NRXN1: variants seen among roughly 807,000 people sequenced by gnomAD.
NRXN1 encodes neurexin 1, also known as neurexin-1.
A neutral mutation model predicts 150.9 loss-of-function variants in NRXN1; 39 were observed. The observed-to-expected ratio is 0.26, with a 90% CI of 0.20 to 0.34. The LOEUF (loss-of-function observed/expected upper bound fraction) is 0.34, where lower values mean the gene tolerates loss of function less well. Among genes scored for constraint, NRXN1 ranks in the 10% least tolerant of loss-of-function variants. NRXN1 has a pLI of 1.00. For synonymous variants in NRXN1, 924 were observed against 757.0 expected (o/e 1.22, Z -3.62); for missense variants, 1,815 against 1,949.9 (o/e 0.93, Z 1.30).
intron 18 of NRXN1, among the ~76,000 whole-genome samples, chr2:50,155,253 T>C (rs946443742): frequency 6.6e-6 from 1 of 151,564 alleles, no homozygotes. Flanking sequence ...TGTTAGTAAG[T>C]GAAGTATTCA....
At chr2:50,542,195 C>T (rs1000711133) in intron 9 of NRXN1, among the ~76,000 whole-genome samples, 13 of 152,198 alleles carry the variant, frequency 8.5e-5, no homozygotes, top group East Asian at 3.9e-4. Context: ...GCAGGAGAAT[C>T]GCTTGAACCT....
chr2:49,950,694 A>G (rs1453769630), intron 21 of NRXN1, among the ~76,000 whole-genome samples: 1 of 151,970 alleles, frequency 6.6e-6, no homozygotes, highest in Non-Finnish European at 1.5e-5. Flanking sequence ...TTCATTTACA[A>G]TTCACCAATA....
intron 5 of NRXN1, among the ~76,000 whole-genome samples, chr2:50,711,600 T>C (rs1022836660): frequency 8.6e-5 from 13 of 152,018 alleles, no homozygotes; most frequent in Admixed American, 3.9e-4. Context: ...CCTCCCAAAG[T>C]GCTGGGATTA....
At chr2:50,976,839 G>C (rs1259402482) in intron 2 of NRXN1, among the ~76,000 whole-genome samples, 1 of 151,978 alleles carries the variant, frequency 6.6e-6, no homozygotes, top group African/African-American at 2.4e-5. Flanking sequence ...TCAGCAAGTA[G>C]ACTTTGTTAT....
chr2:50,152,577 C>T (rs898776712), intron 18 of NRXN1, among the ~76,000 whole-genome samples: 1 of 151,720 alleles, frequency 6.6e-6, no homozygotes, highest in Non-Finnish European at 1.5e-5. Flanking sequence ...AACAGTTTTG[C>T]CAGATATAGG....
chr2:50,755,536 G>C (rs1016098406), intron 5 of NRXN1, among the ~76,000 whole-genome samples: 2 of 151,712 alleles, frequency 1.3e-5, no homozygotes, highest in Non-Finnish European at 2.9e-5. Context: ...ACAAAAGACA[G>C]GATAGATTTT....
chr2:50,403,346 G>A (rs1352317724), intron 17 of NRXN1, among the ~76,000 whole-genome samples: 1 of 152,034 alleles, frequency 6.6e-6, no homozygotes, highest in African/African-American at 2.4e-5. Context: ...CATCACCTGG[G>A]AGCTTATTAG....
chr2:50,491,405 C>T (rs1195874095), intron 15 of NRXN1, among the ~76,000 whole-genome samples: 1 of 152,104 alleles, frequency 6.6e-6, no homozygotes, highest in African/African-American at 2.4e-5. Context: ...AAAAGAAAGT[C>T]CCTGTTGAGT....
At chr2:50,099,797 C>T (rs1230981989) in intron 18 of NRXN1, among the ~76,000 whole-genome samples, 3 of 152,052 alleles carry the variant, frequency 2.0e-5, no homozygotes, top group Non-Finnish European at 2.9e-5. Flanking sequence ...TGAGACTTGG[C>T]CAAAGTCAGA....
chr2:50,616,341 CTT>C (rs1019594452), intron 8 of NRXN1: 32 of 152,096 alleles, frequency 2.1e-4, no homozygotes, highest in African/African-American at 7.7e-4. Flanking sequence ...ACAAAAGTAA[CTT>C]TCCAATTGAG....
At chr2:50,249,215 G>A (rs2066807084) in intron 17 of NRXN1, among the ~76,000 whole-genome samples, 1 of 151,378 alleles carries the variant, frequency 6.6e-6, no homozygotes, top group African/African-American at 2.4e-5. Context: ...TCAAAAGGCA[G>A]GGGATGGTGA....
intron 17 of NRXN1, among the ~76,000 whole-genome samples, chr2:50,293,435 G>A (rs1248326720): frequency 1.3e-5 from 2 of 152,134 alleles, no homozygotes; most frequent in Non-Finnish European, 2.9e-5. Flanking sequence ...TAGACTACAC[G>A]GATGCATATC....
intron 5 of NRXN1, among the ~76,000 whole-genome samples, chr2:50,819,998 G>A (rs572261434): frequency 6.6e-5 from 10 of 152,164 alleles, no homozygotes; most frequent in Non-Finnish European, 1.2e-4. Flanking sequence ...CACTGCACAT[G>A]TTGGTTACAG....
At chr2:50,139,082 T>C (rs965046056) in intron 18 of NRXN1, among the ~76,000 whole-genome samples, 2 of 152,136 alleles carry the variant, frequency 1.3e-5, no homozygotes, top group Admixed American at 6.5e-5. Flanking sequence ...TCCCAGCACT[T>C]TGGGAGGCCA....
intron 16 of NRXN1, among the ~76,000 whole-genome samples, chr2:50,467,140 T>C (rs2088971175): frequency 1.3e-5 from 2 of 151,784 alleles, no homozygotes; most frequent in Admixed American, 1.3e-4. Flanking sequence ...GCAGCGTTTA[T>C]CCTTGAACTT....
chr2:50,232,080 G>A (rs2064994147), intron 18 of NRXN1, among the ~76,000 whole-genome samples: 1 of 152,016 alleles, frequency 6.6e-6, no homozygotes, highest in Non-Finnish European at 1.5e-5. Flanking sequence ...AAAACTGTAA[G>A]GAAGAGAGAT....
At chr2:50,570,485 G>C (rs1364139966) in intron 8 of NRXN1, among the ~76,000 whole-genome samples, 2 of 152,096 alleles carry the variant, frequency 1.3e-5, no homozygotes, top group African/African-American at 4.8e-5. Flanking sequence ...TATCACAAGA[G>C]AAAAATTTTA....
At chr2:50,630,197 T>C (rs555043148) in intron 5 of NRXN1, among the ~76,000 whole-genome samples, 43 of 151,698 alleles carry the variant, frequency 2.8e-4, no homozygotes, top group African/African-American at 9.9e-4. Flanking sequence ...ATTTTTTTGA[T>C]ATAAAAACAA....
chr2:50,205,063 C>T (rs779355003), intron 18 of NRXN1, among the ~76,000 whole-genome samples: 2 of 151,900 alleles, frequency 1.3e-5, no homozygotes, highest in Non-Finnish European at 2.9e-5. Context: ...CACACAAAGA[C>T]AAGAAAAATT....
Sources: allele counts gnomAD v4.1 joint callset (sites outside exome capture counted in the v4.1 genomes callset), GRCh38; gene constraint gnomAD v4.1.1; transcripts MANE v1.5; gene names NCBI Gene and HGNC (gene_info 2026-07-23, HGNC 2026-07-21).